The following XRN1 variants were observed in gnomAD, a reference collection of about 807,000 sequenced individuals.
XRN1 encodes strand-exchange protein 1 homolog.
In XRN1, 67 loss-of-function variants were observed where a neutral mutation model predicts 222.3. The ratio of observed to expected loss-of-function variants is 0.30; its 90% confidence interval spans 0.25 to 0.37. The LOEUF is 0.37. XRN1 is among the 10% of genes least tolerant of loss of function. XRN1 has a pLI of 1.00. For synonymous variants in XRN1, 643 were observed against 652.4 expected, an observed-to-expected ratio of 0.99 and a Z score of 0.22; for missense variants, 1,707 against 2,000.2, an observed-to-expected ratio of 0.85 and a Z score of 2.80.
rs2069123351 is a variant in XRN1, at chr3:142,423,539, CAT to C, written c.710+19_710+20del. 2.6e-6 allele frequency: 4 copies of C among 1,562,420 alleles called. No individual in the cohort carries two copies. The highest frequency in any genetic ancestry group is 2.6e-6 in the Non-Finnish European group (3 of 1,155,086). On this transcript the variant is annotated intron_variant, in intron 6 of 40. Transcript: ENST00000392981. ...TCCAGGCGTAATTTCTTTCTTCCAACATATATGCTATATAATTTACCGTTGTG... is the reference window on the plus strand; with the variant it reads ...TCCAGGCGTAATTTCTTTCTTCCAACATATGCTATATAATTTACCGTTGTG...
In XRN1 at chr3:142,306,746, G is replaced by A. The variant is rs922787579; in HGVS notation, c.*4765C>T. 1 of 152,452 alleles carries A rather than the reference G, an allele frequency of 6.6e-6. No individual in the cohort carries two copies. Among genetic ancestry groups the A allele is most frequent in the South Asian group, 2.1e-4 (1 of 4,828 alleles). 9.4% of individuals were successfully genotyped at this position (152,452 alleles called of 1,614,324 possible). A position where few individuals can be genotyped will look rare whatever the true frequency, so the allele number is the denominator to read the frequency against. ...GGCTAACTTCATGCTAGAAATCTAC[G>A]GATAACGTAACACCACAAAAATACA... is the stretch of plus-strand genomic sequence containing the variant. On this transcript the variant is annotated 3_prime_UTR_variant, in exon 41 of 41. Coordinates refer to ENST00000392981, the MANE Select transcript of XRN1 (RefSeq NM_001282857.2).
intron 29 of XRN1, among the ~76,000 whole-genome samples, chr3:142,364,755 T>C (rs1029370009): frequency 6.6e-6 from 1 of 152,256 alleles, no homozygotes; most frequent in South Asian, 2.1e-4. Context: ...TGAAAACATA[T>C]GTATGCTCAC....
At chr3:142,440,097 G>C (rs1331271783) in intron 1 of XRN1, among the ~76,000 whole-genome samples, 2 of 152,124 alleles carry the variant, frequency 1.3e-5, no homozygotes, top group South Asian at 4.1e-4. Context: ...AGAGCCCTGG[G>C]TATGCTTTAC....
At chr3:142,360,004 G>C (rs1559814777) in intron 29 of XRN1, 73 bp from the exon 30 acceptor site, 1 of 941,894 alleles carries the variant, frequency 1.1e-6, no homozygotes, top group African/African-American at 1.7e-5. Flanking sequence ...AGTTTTTGGA[G>C]TGTTTGGAAG....
At chr3:142,347,532 A>C (rs988496887) in intron 32 of XRN1, among the ~76,000 whole-genome samples, 190 bp from the exon 33 acceptor site, 1 of 152,014 alleles carries the variant, frequency 6.6e-6, no homozygotes, top group Non-Finnish European at 1.5e-5. Flanking sequence ...AATGATCATC[A>C]CTCTAGATAT....
intron 39 of XRN1, among the ~76,000 whole-genome samples, chr3:142,314,773 T>A (rs1173040135): frequency 6.6e-6 from 1 of 151,442 alleles, no homozygotes; most frequent in African/African-American, 2.4e-5. Context: ...GGTGTGGTGG[T>A]GGGTGCCATA....
chr3:142,380,285 T>C (rs1432179269), intron 22 of XRN1, 105 bp from the exon 23 acceptor site: 1 of 933,504 alleles, frequency 1.1e-6, no homozygotes, highest in Non-Finnish European at 1.6e-6. Flanking sequence ...AGTTGGATAG[T>C]GGAAATTCTC....
At chr3:142,430,078 G>A (rs1376357204) in intron 2 of XRN1, among the ~76,000 whole-genome samples, 1 of 152,170 alleles carries the variant, frequency 6.6e-6, no homozygotes, top group Non-Finnish European at 1.5e-5. Flanking sequence ...CACAGATAAA[G>A]GAGTAAGTTC....
At chr3:142,338,888 G>T (rs753997687) in intron 33 of XRN1, among the ~76,000 whole-genome samples, 1 of 152,196 alleles carries the variant, frequency 6.6e-6, no homozygotes, top group Non-Finnish European at 1.5e-5. Flanking sequence ...GGGAAGAGTG[G>T]GAAGGGTAGT....
intron 32 of XRN1, among the ~76,000 whole-genome samples, chr3:142,349,877 G>T (rs1314041455): frequency 2.0e-5 from 3 of 152,140 alleles, no homozygotes; most frequent in Non-Finnish European, 4.4e-5. Flanking sequence ...TTGCATGTAG[G>T]AGATAATGAG....
At chr3:142,321,703 C>T (rs1395741519) in intron 37 of XRN1, among the ~76,000 whole-genome samples, 1 of 152,088 alleles carries the variant, frequency 6.6e-6, no homozygotes, top group Non-Finnish European at 1.5e-5. Context: ...TATTCCTTAG[C>T]ATTTTATTAT....
intron 1 of XRN1, among the ~76,000 whole-genome samples, chr3:142,439,068 A>G (rs1300730449): frequency 2.7e-5 from 4 of 150,014 alleles, no homozygotes; most frequent in Non-Finnish European, 4.4e-5. Context: ...GCCAGAGTGC[A>G]TGTACCTTTT....
intron 39 of XRN1, among the ~76,000 whole-genome samples, chr3:142,314,991 G>C (rs560616380): frequency 2.3e-5 from 3 of 133,090 alleles, no homozygotes; most frequent in East Asian, 4.8e-4. Flanking sequence ...CTACAGTGCA[G>C]TGGCACAATC....
chr3:142,344,805 G>C (rs1288521319), intron 33 of XRN1, among the ~76,000 whole-genome samples: 1 of 152,148 alleles, frequency 6.6e-6, no homozygotes, highest in Non-Finnish European at 1.5e-5. Flanking sequence ...ACTTAATACT[G>C]TTAAGATGAC....
At chr3:142,379,253 A>G (rs2067231347) in intron 23 of XRN1, among the ~76,000 whole-genome samples, 1 of 152,238 alleles carries the variant, frequency 6.6e-6, no homozygotes, top group Non-Finnish European at 1.5e-5. Context: ...CCTGGATGAC[A>G]GAGCGAAACT....
chr3:142,312,790 G>A (rs753103934), intron 39 of XRN1, 32 bp from the exon 40 acceptor site: 1 of 1,570,546 alleles, frequency 6.4e-7, no homozygotes, highest in South Asian at 1.2e-5. Context: ...TTTTCTTTTA[G>A]TAAAATGGTA....
At chr3:142,407,013 C>T (rs1460426271) in intron 15 of XRN1, among the ~76,000 whole-genome samples, 1 of 152,170 alleles carries the variant, frequency 6.6e-6, no homozygotes, top group Admixed American at 6.5e-5. Flanking sequence ...AAATTCACTC[C>T]TTGAAAACAG....
chr3:142,408,428 C>T (rs1170767843), intron 15 of XRN1, among the ~76,000 whole-genome samples: 4 of 152,114 alleles, frequency 2.6e-5, no homozygotes, highest in South Asian at 2.1e-4. Flanking sequence ...CTATCCCTTG[C>T]GATGCAAATA....
chr3:142,436,783 A>G (rs1577449031), intron 1 of XRN1, among the ~76,000 whole-genome samples: 2 of 152,330 alleles, frequency 1.3e-5, no homozygotes, highest in Admixed American at 6.5e-5. Flanking sequence ...AACAGCAGGT[A>G]AAGTATCCTA....
Sources: allele counts gnomAD v4.1 joint callset (sites outside exome capture counted in the v4.1 genomes callset), GRCh38; gene constraint gnomAD v4.1.1; transcripts MANE v1.5; gene names NCBI Gene and HGNC (gene_info 2026-07-23, HGNC 2026-07-21).